GXYLT1: variants seen among roughly 807,000 people sequenced by gnomAD.
GXYLT1 encodes glucoside xylosyltransferase 1, also known as glycosyltransferase 8 domain containing 3.
Under a neutral mutation model 54.0 loss-of-function variants are expected in GXYLT1, and 29 were observed. The ratio of observed to expected loss-of-function variants is 0.54; its 90% CI spans 0.40 to 0.73. The LOEUF (loss-of-function observed/expected upper bound fraction) is 0.73. Among genes scored for constraint, GXYLT1 ranks in the 30% least tolerant of loss-of-function variants. The pLI, the probability that GXYLT1 is intolerant of heterozygous loss-of-function variation, is 0.00. For missense variants in GXYLT1, 490 were observed against 553.4 expected (o/e 0.89, Z 1.15); for synonymous variants, 176 against 204.1 (o/e 0.86, Z 1.17).
At chr12:42,119,223 T>C (rs754889881) in intron 2 of GXYLT1, 52 bp from the exon 3 acceptor site, 15 of 1,394,234 alleles carry the variant, frequency 1.1e-5, no homozygotes, top group Middle Eastern at 1.8e-4. Flanking sequence ...ATGTTTACAA[T>C]GTGTACTTTC....
intron 7 of GXYLT1, among the ~76,000 whole-genome samples, chr12:42,091,461 G>A (rs1408441564): frequency 6.6e-6 from 1 of 151,964 alleles, no homozygotes; most frequent in Non-Finnish European, 1.5e-5. Flanking sequence ...CATTTTTATA[G>A]GAATGCATTT....
intron 3 of GXYLT1, among the ~76,000 whole-genome samples, chr12:42,111,335 G>A (rs912309084): frequency 4.6e-5 from 7 of 152,240 alleles, no homozygotes; most frequent in African/African-American, 9.6e-5. Context: ...GCGAGGCATC[G>A]CCTCACCCGG....
rs1008673043 is a variant in GXYLT1, at chr12:42,123,633, A to T, written c.315-4462T>A. On this transcript the variant is annotated intron_variant, in intron 2 of 7. Coordinates refer to ENST00000398675, the MANE Select transcript of GXYLT1 (RefSeq NM_173601.2). ...TAAAGGAATCATAATAACTTTTTTG[A>T]TTTTGTTTTATTTCACAGTATGATC... Among the ~76,000 whole-genome samples, 10 of 152,108 alleles carry T rather than the reference A, an allele frequency of 6.6e-5. No homozygotes were observed. The South Asian group carries it at 2.1e-3, about 32-fold the overall frequency.
intron 4 of GXYLT1, among the ~76,000 whole-genome samples, chr12:42,107,442 G>A (rs1264311805): frequency 6.6e-6 from 1 of 152,180 alleles, no homozygotes; most frequent in Non-Finnish European, 1.5e-5. Context: ...TGTAATCCTA[G>A]CACTTTGGGA....
chr12:42,094,210 C>A (rs1028732247), intron 7 of GXYLT1, among the ~76,000 whole-genome samples: 10 of 151,924 alleles, frequency 6.6e-5, no homozygotes, highest in Non-Finnish European at 1.0e-4. Flanking sequence ...AAAAATTAGC[C>A]AAGCCTGGTG....
chr12:42,096,275 G>A (rs757467306), intron 7 of GXYLT1, among the ~76,000 whole-genome samples: 2 of 152,134 alleles, frequency 1.3e-5, no homozygotes, highest in Non-Finnish European at 2.9e-5. Flanking sequence ...AAGGGAACCA[G>A]AGCTCCTTTG....
chr12:42,085,040 A>T lies in GXYLT1; in HGVS notation c.*2746T>A, dbSNP rs1190864755. 5 of 152,206 alleles carry T rather than the reference A, an allele frequency of 3.3e-5. No homozygotes were observed. Among genetic ancestry groups the T allele is most frequent in the African/African-American group, 9.7e-5 (4 of 41,444 alleles). The allele number at this position is 152,206 out of a possible 1,614,324, so 9.4% of individuals were successfully genotyped here. On this transcript the variant is annotated 3_prime_UTR_variant, in exon 8 of 8. Transcript: ENST00000398675. ...TATATGAAGATGGAATACGTTCTCTAAGTTGTCCATCTATAATTTAACCTC... is the reference window on the plus strand; with the variant it reads ...TATATGAAGATGGAATACGTTCTCTTAGTTGTCCATCTATAATTTAACCTC...
At position 42,105,405 on chromosome 12, in the gene GXYLT1, AT is replaced by A. The variant is rs566349600; in HGVS notation, c.864+412del. On this transcript the variant is annotated intron_variant, in intron 5 of 7. Coordinates refer to ENST00000398675, the MANE Select transcript of GXYLT1 (RefSeq NM_173601.2). ...AGACATTGGTAGTGCTATCATTTCC[AT>A]TTTACGGGTGAGAACAAACAGGTTG... Among the ~76,000 whole-genome samples, 433 of 152,286 alleles carry A rather than the reference AT, an allele frequency of 2.8e-3. 1 individual carries two copies. The highest frequency in any genetic ancestry group is 9.3e-3 in the African/African-American group (386 of 41,562).
chr12:42,097,919 G>GA lies in GXYLT1; in HGVS notation c.978dup (p.His327SerfsTer2). Reference sequence around the variant, plus strand: ...GAATTTAAATAATTACCTGGATTATGAAAAAACACGATATTCAATAGATCT... The same window carrying GA: ...GAATTTAAATAATTACCTGGATTATGAAAAAAACACGATATTCAATAGATCT... On this transcript the variant is annotated frameshift_variant, in exon 6 of 8. Coordinates refer to ENST00000398675, the MANE Select transcript of GXYLT1 (RefSeq NM_173601.2). LOFTEE classifies it high-confidence loss of function. 2.5e-6 allele frequency: 4 copies of GA among 1,584,378 alleles called. No homozygotes were observed. Among genetic ancestry groups the GA allele is most frequent in the Non-Finnish European group, 2.6e-6 (3 of 1,163,298 alleles).
Position 42,144,443 on chromosome 12 carries a change from ATGCGCTGCGGGGCCCGC to A in GXYLT1, c.187_203del (p.Ala63SerfsTer8). ...GCCCGTACCTGTCCGACACGCCGGGATGCGCTGCGGGGCCCGCGACGCCGGCGCCTCTCACGGCGCCG... is the reference window on the plus strand; with the variant it reads ...GCCCGTACCTGTCCGACACGCCGGGAGACGCCGGCGCCTCTCACGGCGCCG... On this transcript the variant is annotated frameshift_variant, in exon 1 of 8. Transcript: ENST00000398675. LOFTEE classifies it high-confidence loss of function. The A allele has an allele frequency of 7.5e-7, 1 of 1,325,474 alleles. No homozygotes were observed. The allele number at this position is 1,325,474 out of a possible 1,614,324, so 82.1% of individuals were successfully genotyped here.
At chr12:42,120,813 G>A (rs1230884883) in intron 2 of GXYLT1, among the ~76,000 whole-genome samples, 1 of 152,190 alleles carries the variant, frequency 6.6e-6, no homozygotes, top group Non-Finnish European at 1.5e-5. Context: ...TGGGATTACA[G>A]GCATGAGCCA....
rs546172821 is a variant in GXYLT1, at chr12:42,132,312, T to C, written c.222-2461A>G. Among the ~76,000 whole-genome samples, 344 of 152,272 alleles carry C rather than the reference T, an allele frequency of 2.3e-3. 1 individual carries two copies. The highest frequency in any genetic ancestry group is 4.1e-3 in the Non-Finnish European group (281 of 68,024). ...TAAAATCAGACCTGAATGAGAAACA[T>C]TGTGTATCAAGGAATAACTAGAGTC... On this transcript the variant is annotated intron_variant, in intron 1 of 7. Transcript: ENST00000398675.
At chr12:42,133,078 T>C (rs2065601572) in intron 1 of GXYLT1, among the ~76,000 whole-genome samples, 1 of 151,962 alleles carries the variant, frequency 6.6e-6, no homozygotes, top group Non-Finnish European at 1.5e-5. Context: ...AGGTCAGGAG[T>C]TTGAGAATGG....
chr12:42,123,041 CAAAAAT>C (rs1039575111), intron 2 of GXYLT1, among the ~76,000 whole-genome samples: 2 of 151,974 alleles, frequency 1.3e-5, no homozygotes, highest in African/African-American at 4.8e-5. Context: ...AAAACAAAAA[CAAAAAT>C]ATCACAAAAG....
intron 2 of GXYLT1, among the ~76,000 whole-genome samples, chr12:42,127,999 T>C (rs916786848): frequency 7.2e-5 from 11 of 152,212 alleles, no homozygotes; most frequent in Admixed American, 2.6e-4. Flanking sequence ...GCATACTGTA[T>C]TGAGAATGCA....
chr12:42,089,632 T>G (rs544702428), intron 7 of GXYLT1, among the ~76,000 whole-genome samples: 1 of 152,268 alleles, frequency 6.6e-6, no homozygotes, highest in African/African-American at 2.4e-5. Flanking sequence ...AAGCCAGGAT[T>G]CCGTCCCAAC....
chr12:42,133,221 T>C (rs1445776170), intron 1 of GXYLT1, among the ~76,000 whole-genome samples: 1 of 152,094 alleles, frequency 6.6e-6, no homozygotes, highest in Non-Finnish European at 1.5e-5. Flanking sequence ...GAGGTTTCAG[T>C]GAGCCAAGAT....
chr12:42,123,076 C>T (rs915021631), intron 2 of GXYLT1, among the ~76,000 whole-genome samples: 5 of 152,126 alleles, frequency 3.3e-5, no homozygotes, highest in Non-Finnish European at 7.4e-5. Flanking sequence ...AACAGCACCC[C>T]TTTTCACCCC....
chr12:42,140,205 G>GT (rs1491519731), intron 1 of GXYLT1, among the ~76,000 whole-genome samples: 1 of 135,122 alleles, frequency 7.4e-6, no homozygotes, highest in Admixed American at 7.4e-5. Context: ...AAAGGCGGGG[G>GT]GGGGGGGACT....
Sources: gnomAD v4.1 joint callset for allele counts (sites outside exome capture counted in the v4.1 genomes callset) on GRCh38, gnomAD v4.1.1 for gene constraint, MANE v1.5 for transcripts, NCBI Gene and HGNC (gene_info 2026-07-23, HGNC 2026-07-21) for gene names.